SIPA1L1: variants seen among roughly 807,000 people sequenced by gnomAD.
SIPA1L1 encodes the protein signal-induced proliferation-associated 1-like protein 1.
A neutral mutation model predicts 162.7 loss-of-function variants in SIPA1L1; 26 were observed. The ratio of observed to expected loss-of-function variants is 0.16; its 90% CI spans 0.12 to 0.22. SIPA1L1 has a LOEUF of 0.22. Among genes scored for constraint, SIPA1L1 ranks in the 10% least tolerant of loss-of-function variants. The pLI is 1.00. For synonymous variants in SIPA1L1, 829 were observed against 837.4 expected (o/e 0.99, Z 0.17); for missense variants, 1,874 against 2,241.0 (o/e 0.84, Z 3.31).
At chr14:71,339,132 G>A (rs1204711081) in intron 2 of SIPA1L1, among the ~76,000 whole-genome samples, 1 of 152,188 alleles carries the variant, frequency 6.6e-6, no homozygotes, top group East Asian at 1.9e-4. Context: ...AGGGAGTAAT[G>A]CAGACAGAGA....
intron 2 of SIPA1L1, among the ~76,000 whole-genome samples, chr14:71,454,317 A>G (rs943690248): frequency 1.3e-5 from 2 of 152,180 alleles, no homozygotes; most frequent in African/African-American, 2.4e-5. Context: ...AGTATTTAGA[A>G]CCTTTGGTTT....
chr14:71,445,058 A>G (rs1046006084), intron 2 of SIPA1L1, among the ~76,000 whole-genome samples: 2 of 152,224 alleles, frequency 1.3e-5, no homozygotes, highest in African/African-American at 4.8e-5. Context: ...CTTTAGAAGC[A>G]TTTTATTTGG....
chr14:71,373,963 A>G (rs1029911167), intron 2 of SIPA1L1, among the ~76,000 whole-genome samples: 1 of 152,160 alleles, frequency 6.6e-6, no homozygotes, highest in Non-Finnish European at 1.5e-5. Flanking sequence ...AGTGGAGTTT[A>G]GAGTCATTCT....
chr14:71,508,372 T>C (rs1322536597), intron 2 of SIPA1L1, among the ~76,000 whole-genome samples: 1 of 152,238 alleles, frequency 6.6e-6, no homozygotes, highest in African/African-American at 2.4e-5. Flanking sequence ...TCTTTGTTCA[T>C]ATAATAGACC....
intron 4 of SIPA1L1, among the ~76,000 whole-genome samples, chr14:71,557,024 T>C (rs766195197): frequency 1.7e-4 from 26 of 152,152 alleles, no homozygotes; most frequent in Non-Finnish European, 3.5e-4. Flanking sequence ...AGGCCTAAAG[T>C]ACCCCAGCAT....
chr14:71,526,711 A>C (rs567364525), intron 3 of SIPA1L1, among the ~76,000 whole-genome samples: 1 of 152,060 alleles, frequency 6.6e-6, no homozygotes, highest in South Asian at 2.1e-4. Flanking sequence ...AATATTTACT[A>C]TTTGGCCCTT....
intron 4 of SIPA1L1, among the ~76,000 whole-genome samples, chr14:71,542,546 T>C (rs1162577852): frequency 7.1e-6 from 1 of 141,710 alleles, no homozygotes; most frequent in Admixed American, 7.0e-5. Flanking sequence ...CCTCCTCTCT[T>C]CCTCCTCCTC....
At chr14:71,619,304 T>G (rs754403832) in intron 6 of SIPA1L1, among the ~76,000 whole-genome samples, 2 of 152,104 alleles carry the variant, frequency 1.3e-5, no homozygotes, top group Admixed American at 6.5e-5. Flanking sequence ...CTTGCTGAGC[T>G]CATGTCTTCG....
At position 71,562,687 on chromosome 14, in the gene SIPA1L1, G is replaced by A. The variant is rs561034817; in HGVS notation, c.-302-24884G>A. On this transcript the variant is annotated intron_variant, in intron 4 of 23. Transcript: ENST00000381232. ...TTTCCATGTGTATGGAACATATAATGTGTGACTTCTTAATTTAATCAGGAA... is the reference window on the plus strand; with the variant it reads ...TTTCCATGTGTATGGAACATATAATATGTGACTTCTTAATTTAATCAGGAA... 6.9e-4 allele frequency among the ~76,000 whole-genome samples: 105 copies of A among 152,230 alleles called. 1 individual carries two copies. The highest frequency in any genetic ancestry group is 9.6e-4 in the Non-Finnish European group (65 of 68,008).
chr14:71,491,813 C>CA (rs1555437273), intron 2 of SIPA1L1, among the ~76,000 whole-genome samples: 8 of 147,906 alleles, frequency 5.4e-5, no homozygotes, highest in East Asian at 2.0e-4. Context: ...CACACACACA[C>CA]CCCTTCCCCC....
rs1455384524 is a variant in SIPA1L1 at position 71,377,982 on chromosome 14, G to GGGAGAGGGGGAGACAGTGGAAAGAA, written c.-465+56810_-465+56834dup. The stretch of plus-strand genomic sequence containing the variant: ...CGTGGAAAGCAGGAGATGGAGACGA[G>GGGAGAGGGGGAGACAGTGGAAAGAA]GGAGAGGGGGAGACAGTGGAAAGAA... On this transcript the variant is annotated intron_variant, in intron 2 of 23. Transcript: ENST00000381232. The surrounding 1 kb of genome is among the most constrained non-coding windows in gnomAD (Gnocchi z 4.8). Among the ~76,000 whole-genome samples the GGGAGAGGGGGAGACAGTGGAAAGAA allele has an allele frequency of 3.7e-4, 57 of 152,300 alleles. No individual in the cohort carries two copies. Among genetic ancestry groups the GGGAGAGGGGGAGACAGTGGAAAGAA allele is most frequent in the African/African-American group, 1.3e-3 (56 of 41,560 alleles).
intron 2 of SIPA1L1, among the ~76,000 whole-genome samples, chr14:71,466,808 CTA>C (rs1167715029): frequency 6.6e-6 from 1 of 152,160 alleles, no homozygotes; most frequent in Admixed American, 6.5e-5. Flanking sequence ...TTTTAATAAA[CTA>C]TTTTTTATTG....
chr14:71,531,098 C>G (rs1481311824), intron 4 of SIPA1L1, among the ~76,000 whole-genome samples: 2 of 152,146 alleles, frequency 1.3e-5, no homozygotes, highest in Non-Finnish European at 2.9e-5. Context: ...TGAGTTCACT[C>G]TCTGTATCTA....
At chr14:71,551,621 TTA>T (rs2055839041) in intron 4 of SIPA1L1, among the ~76,000 whole-genome samples, 1 of 152,230 alleles carries the variant, frequency 6.6e-6, no homozygotes, top group East Asian at 1.9e-4. Context: ...TTGAGCTGCG[TTA>T]TGTCATGAGA....
intron 5 of SIPA1L1, among the ~76,000 whole-genome samples, chr14:71,592,235 T>A (rs1030128244): frequency 6.6e-6 from 1 of 152,208 alleles, no homozygotes; most frequent in Admixed American, 6.5e-5. Context: ...AACTTTCAAG[T>A]CAGACAGGCA....
In SIPA1L1 at chr14:71,713,516, G is replaced by A. The variant is rs557583301; in HGVS notation, c.4208+3852G>A. ...AGGATCTAGATATATGTTGGTCAGTGTCTGACATTATCACTGGAAGAACTG... is the reference window on the plus strand; with the variant it reads ...AGGATCTAGATATATGTTGGTCAGTATCTGACATTATCACTGGAAGAACTG... On this transcript the variant is annotated intron_variant, in intron 17 of 23. Coordinates refer to ENST00000381232, the MANE Select transcript of SIPA1L1 (RefSeq NM_001386936.1). Among the ~76,000 whole-genome samples the A allele has an allele frequency of 3.3e-5, 5 of 152,356 alleles. No individual in the cohort carries two copies. In the South Asian group the frequency reaches 1.0e-3, roughly 32 times the overall value.
chr14:71,614,220 A>G (rs937204901), intron 5 of SIPA1L1, among the ~76,000 whole-genome samples: 2 of 146,668 alleles, frequency 1.4e-5, no homozygotes, highest in African/African-American at 5.1e-5. Context: ...GCTGTCTCCA[A>G]AAAAAAAAAA....
chr14:71,458,988 C>T (rs1034871973), intron 2 of SIPA1L1, among the ~76,000 whole-genome samples: 14 of 151,628 alleles, frequency 9.2e-5, no homozygotes, highest in African/African-American at 3.4e-4. Flanking sequence ...AGGAGAATCG[C>T]TTGAACCTGG....
At chr14:71,539,796 G>A (rs898568618) in intron 4 of SIPA1L1, among the ~76,000 whole-genome samples, 9 of 152,166 alleles carry the variant, frequency 5.9e-5, no homozygotes, top group Non-Finnish European at 1.0e-4. Context: ...GAAATATAAT[G>A]TGCAGGAAGA....
Sources: allele counts gnomAD v4.1 joint callset (sites outside exome capture counted in the v4.1 genomes callset), GRCh38; gene constraint gnomAD v4.1.1; non-coding constraint Gnocchi (gnomAD v3.1); transcripts MANE v1.5; gene names NCBI Gene and HGNC (gene_info 2026-07-23, HGNC 2026-07-21).